The following ABCA8 variants were observed in gnomAD, a reference collection of about 807,000 sequenced individuals.
The protein encoded by ABCA8 is ABC-type organic anion transporter ABCA8.
ABCA8 carries 177 observed loss-of-function variants against 192.3 expected under a neutral mutation model. The observed-to-expected ratio is 0.92, with a 90% CI of 0.81 to 1.04. The LOEUF is 1.04. ABCA8 is among the 50% of genes least tolerant of loss of function. The probability of loss-of-function intolerance (pLI) is 0.00; values close to 1 mark genes in which losing one functional copy is unlikely to be tolerated. For synonymous variants in ABCA8, 642 were observed against 690.2 expected (o/e 0.93, Z 1.09); for missense variants, 1,915 against 1,904.8 (o/e 1.01, Z -0.10).
chr17:68,927,058 C>T (rs2067721449), intron 10 of ABCA8, among the ~76,000 whole-genome samples: 1 of 152,060 alleles, frequency 6.6e-6, no homozygotes, highest in Non-Finnish European at 1.5e-5. Context: ...GAGTTCGAGA[C>T]CAGCCTGATC....
At chr17:68,952,212 G>GTTAT (rs970428603) in intron 1 of ABCA8, among the ~76,000 whole-genome samples, 11 of 151,804 alleles carry the variant, frequency 7.2e-5, no homozygotes, top group Admixed American at 1.3e-4. Context: ...AATTATCCTG[G>GTTAT]TTATTTATTT....
chr17:68,905,997 C>T (rs1401497132), intron 19 of ABCA8, 47 bp downstream of exon 19: 1 of 1,482,008 alleles, frequency 6.7e-7, no homozygotes, highest in South Asian at 1.4e-5. Context: ...ACAGTGTGTT[C>T]TTGAAATATG....
intron 21 of ABCA8, among the ~76,000 whole-genome samples, chr17:68,898,336 T>C (rs539722596): frequency 1.3e-5 from 2 of 152,314 alleles, no homozygotes; most frequent in South Asian, 4.1e-4. Flanking sequence ...AGCAAAACTG[T>C]ACTTTTATCC....
intron 13 of ABCA8, chr17:68,920,006 C>T (rs1025080620): frequency 2.4e-4 from 36 of 152,292 alleles, no homozygotes; most frequent in African/African-American, 7.7e-4. Context: ...ATTTAAATGC[C>T]TATCAAAGAC....
At chr17:68,906,220 C>T in intron 18 of ABCA8, 57 bp from the exon 19 acceptor site, 2 of 1,342,178 alleles carry the variant, frequency 1.5e-6, no homozygotes, top group South Asian at 2.0e-5. Flanking sequence ...GAACTGAAGA[C>T]AATTTTTCAA....
At chr17:68,883,226 T>C (rs1203632627) in intron 29 of ABCA8, among the ~76,000 whole-genome samples, 2 of 152,226 alleles carry the variant, frequency 1.3e-5, no homozygotes, top group African/African-American at 4.8e-5. Context: ...AAGGTCTGCT[T>C]TCATCTTGGC....
chr17:68,889,491 C>G (rs1567832263), intron 24 of ABCA8, among the ~76,000 whole-genome samples: 1 of 152,158 alleles, frequency 6.6e-6, no homozygotes, highest in Non-Finnish European at 1.5e-5. Context: ...TTTTCAAGTT[C>G]TCGCATTTCC....
chr17:68,941,073 C>T, intron 3 of ABCA8, 111 bp from the exon 4 acceptor site: 1 of 778,618 alleles, frequency 1.3e-6, no homozygotes, highest in Non-Finnish European at 2.0e-6. Flanking sequence ...TCAATATATC[C>T]CATATTATAA....
chr17:68,906,304 G>C, intron 18 of ABCA8, 141 bp from the exon 19 acceptor site: 1 of 530,668 alleles, frequency 1.9e-6, no homozygotes, highest in Non-Finnish European at 2.9e-6. Context: ...TTTCATAATA[G>C]ATCATCTTAT....
intron 24 of ABCA8, among the ~76,000 whole-genome samples, chr17:68,887,925 T>TATATATATATATATTATATATGGATA: frequency 9.9e-6 from 1 of 101,018 alleles, no homozygotes; most frequent in South Asian, 3.1e-4. Flanking sequence ...TATATATATA[T>TATATATATATATATTATATATGGATA]TATATATGGA....
rs768333090 is a variant in ABCA8, at chr17:68,885,273, C to T, written c.3472G>A (p.Glu1158Lys). 80 of 1,612,882 alleles carry T rather than the reference C, an allele frequency of 5.0e-5. No individual in the cohort carries two copies. Among genetic ancestry groups the T allele is most frequent in the South Asian group, 1.2e-4 (11 of 90,904 alleles). Residue 1158 changes from glutamate to lysine, a missense_variant, in exon 27 of 40, where the codon GAA (glutamate) becomes AAA (lysine). By Grantham distance (56) the Glu-to-Lys change is moderately conservative. Transcript: ENST00000586539. ...GTGAAGATAAATGGAATATCACTTT[C>T]GAAGATACTGAACGCAAATCCAGCC... ...SVAGFAFSIF[E>K]SDIPFIFTFL...
Position 68,940,630 on chromosome 17 carries a change from C to T in ABCA8, c.301+128G>A, listed in dbSNP as rs1055075251. The T allele has an allele frequency of 1.5e-5, 12 of 792,050 alleles. No homozygotes were observed. In the Admixed American group the frequency reaches 2.9e-4, roughly 19 times the overall value. The allele number at this position is 792,050 out of a possible 1,614,324, so 49.1% of individuals were successfully genotyped here. A position where few individuals can be genotyped will look rare whatever the true frequency, so the allele number is the denominator to read the frequency against. ...TGTTACTTCCAATAAAGGGAAGACACATTCCCAATTCATGTACTCCAGAAA... is the reference window on the plus strand; with the variant it reads ...TGTTACTTCCAATAAAGGGAAGACATATTCCCAATTCATGTACTCCAGAAA... On this transcript the variant is annotated intron_variant, in intron 4 of 39. Coordinates refer to ENST00000586539, the MANE Select transcript of ABCA8 (RefSeq NM_001288985.2).
Position 68,903,343 on chromosome 17 carries a change from C to A in ABCA8, c.2555G>T (p.Arg852Leu). ...RQQICAIARV[R>L]LLKLKHERKA... is the part of the protein sequence containing the mutation. ...TCTTTCATGCTTTAACTTTAACAAG[C>A]GAACCCTTGCAATTGCGCAGATTTG... is the stretch of plus-strand genomic sequence containing the variant. The change falls in exon 20 of 40, where the codon CGC (arginine) becomes CTC (leucine). Residue 852 changes from arginine to leucine, a missense_variant. Physicochemically the swap from Arg to Leu is moderately radical, Grantham distance 102 (BLOSUM62 -2). Transcript: ENST00000586539. 6.2e-7 allele frequency: 1 copy of A among 1,614,170 alleles called. No homozygotes were observed. The highest frequency in any genetic ancestry group is 8.5e-7 in the Non-Finnish European group (1 of 1,180,038).
intron 6 of ABCA8, 64 bp downstream of exon 6, chr17:68,933,104 T>C (rs927847950): frequency 8.7e-7 from 1 of 1,144,560 alleles, no homozygotes; most frequent in Non-Finnish European, 1.3e-6. Flanking sequence ...CATGAAACTT[T>C]TGATGCCTCT....
At chr17:68,884,698 C>A in intron 27 of ABCA8, 3 of 1,091,322 alleles carry the variant, frequency 2.7e-6, no homozygotes, top group Non-Finnish European at 3.3e-6. Context: ...CTTCACATAC[C>A]TTCCTGTGCC....
At position 68,905,613 on chromosome 17, in the gene ABCA8, A is replaced by T. The variant is rs4147995; in HGVS notation, c.2398+431T>A. Among the ~76,000 whole-genome samples the T allele has an allele frequency of 5.3e-5, 8 of 152,250 alleles. No individual in the cohort carries two copies. The East Asian group carries it at 1.5e-3, about 29-fold the overall frequency. On this transcript the variant is annotated intron_variant, in intron 19 of 39. Coordinates refer to ENST00000586539, the MANE Select transcript of ABCA8 (RefSeq NM_001288985.2). ...AGTGTCCAATTTCTAACATAAAGAA[A>T]AAAAAAAGAAAAACCTGACACCAGA...
At chr17:68,929,499 G>A (rs912682858) in intron 8 of ABCA8, 62 bp downstream of exon 8, 1 of 1,536,522 alleles carries the variant, frequency 6.5e-7, no homozygotes. Flanking sequence ...AGAGTAATCA[G>A]TCGGAAACAA....
At chr17:68,870,318 C>G (rs1014361141) in intron 37 of ABCA8, among the ~76,000 whole-genome samples, 2 of 152,176 alleles carry the variant, frequency 1.3e-5, no homozygotes, top group Non-Finnish European at 2.9e-5. Flanking sequence ...GGACTTAGTT[C>G]TCTTTTTGGA....
At position 68,882,684 on chromosome 17, in the gene ABCA8, G is replaced by A; in HGVS notation, c.3743C>T (p.Pro1248Leu). 1 of 1,612,436 alleles carries A rather than the reference G, an allele frequency of 6.2e-7. No individual in the cohort carries two copies. The highest frequency in any genetic ancestry group is 8.5e-7 in the Non-Finnish European group (1 of 1,179,222). The change falls in exon 30 of 40, where the codon CCA becomes CTA. Residue 1248 changes from proline (P) to leucine (L), a missense_variant. Pro to Leu is a moderately conservative substitution (Grantham distance 98). Coordinates refer to ENST00000586539, the MANE Select transcript of ABCA8 (RefSeq NM_001288985.2). Reference protein sequence around the residue: ...SPRSSDVCQNPEEPEGEDEDV... With the variant: ...SPRSSDVCQNLEEPEGEDEDV... ...TTCATCCTCTCCTTCTGGTTCTTCT[G>A]GATTTTGACACACATCACTACTTCT...
Sources: gnomAD v4.1 joint callset for allele counts (sites outside exome capture counted in the v4.1 genomes callset) on GRCh38, gnomAD v4.1.1 for gene constraint, MANE v1.5 for transcripts, NCBI Gene and HGNC (gene_info 2026-07-23, HGNC 2026-07-21) for gene names.